Variants in CDKL5 observed in about 807,000 individuals in gnomAD.
CDKL5 encodes cyclin dependent kinase like 5, also known as cyclin-dependent kinase-like 5.
A neutral mutation model predicts 61.7 loss-of-function variants in CDKL5; 8 were observed. The observed-to-expected ratio is 0.13, with a 90% CI of 0.08 to 0.23. The LOEUF (loss-of-function observed/expected upper bound fraction) is 0.23. CDKL5 is among the 10% of genes least tolerant of loss of function. The pLI is 1.00. For synonymous variants in CDKL5, 275 were observed against 272.3 expected, an observed-to-expected ratio of 1.01 and a Z score of -0.10; for missense variants, 440 against 734.5, an observed-to-expected ratio of 0.60 and a Z score of 4.63.
At chrX:18,531,268 A>G (rs900192772) in intron 3 of CDKL5, among the ~76,000 whole-genome samples, 6 of 112,389 alleles carry the variant, frequency 5.3e-5, no homozygotes, top group Non-Finnish European at 1.1e-4. Context: ...CAAAATGGTT[A>G]CTTTCTTCCT....
intron 20 of CDKL5, chrX:18,646,227 C>T (rs1927769488): frequency 1.0e-6 from 1 of 985,016 alleles, no homozygotes; most frequent in African/African-American, 1.9e-5. Flanking sequence ...AATCTCGGCT[C>T]ACTGCAACCT....
At chrX:18,454,583 G>A (rs1208519411) in intron 1 of CDKL5, among the ~76,000 whole-genome samples, 1 of 110,038 alleles carries the variant, frequency 9.1e-6, no homozygotes, top group Non-Finnish European at 1.9e-5. Flanking sequence ...TTGAGGCGGA[G>A]TCTTGCTCTG....
chrX:18,547,317 A>T (rs1353523321), intron 3 of CDKL5, among the ~76,000 whole-genome samples: 3 of 112,231 alleles, frequency 2.7e-5, no homozygotes, highest in Non-Finnish European at 5.6e-5. Flanking sequence ...ATGGAATTAG[A>T]ATGTTATCCT....
intron 1 of CDKL5, among the ~76,000 whole-genome samples, chrX:18,487,876 A>G (rs989081923): frequency 2.4e-4 from 26 of 110,508 alleles, no homozygotes; most frequent in African/African-American, 8.2e-4. Flanking sequence ...AGATCCCCCT[A>G]CTGCACTCCA....
intron 1 of CDKL5, among the ~76,000 whole-genome samples, chrX:18,485,246 A>G (rs945918002): frequency 1.8e-5 from 2 of 111,049 alleles, no homozygotes; most frequent in African/African-American, 6.5e-5. Context: ...TCTCTTAAAT[A>G]TCTCAACTTT....
intron 1 of CDKL5, among the ~76,000 whole-genome samples, chrX:18,470,019 A>G (rs1156819044): frequency 8.9e-6 from 1 of 112,055 alleles, no homozygotes; most frequent in Non-Finnish European, 1.9e-5. Context: ...CACTTGACAG[A>G]AAGCAGAGAA....
At chrX:18,609,426 T>C in intron 13 of CDKL5, 39 bp from the exon 14 acceptor site, 2 of 1,211,219 alleles carry the variant, frequency 1.7e-6, no homozygotes, top group South Asian at 1.8e-5. Context: ...TTGTCATCAA[T>C]GTGTGGCTTA....
At chrX:18,504,461 G>GT (rs1480244851) in intron 1 of CDKL5, among the ~76,000 whole-genome samples, 72 of 112,024 alleles carry the variant, frequency 6.4e-4, no homozygotes, top group African/African-American at 2.3e-3. Flanking sequence ...TAAGAATGAT[G>GT]TTTGTTGTAG....
At position 18,442,696 on chromosome X, in the gene CDKL5, A is replaced by G. The variant is rs774057442; in HGVS notation, c.-163+17001A>G. Among the ~76,000 whole-genome samples the G allele has an allele frequency of 8.1e-5, 9 of 110,768 alleles. No homozygotes were observed. In the East Asian group the frequency reaches 1.7e-3, roughly 21 times the overall value. On this transcript the variant is annotated intron_variant, in intron 1 of 17. Coordinates refer to ENST00000623535, the MANE Select transcript of CDKL5 (RefSeq NM_001323289.2). ...TTTTTGGTAGAGACGGGGTTTCACC[A>G]TGTTAGCCAGGATGATCTCAATCTC...
At chrX:18,526,875 CT>C (rs1171707715) in intron 3 of CDKL5, among the ~76,000 whole-genome samples, 10 of 110,436 alleles carry the variant, frequency 9.1e-5, no homozygotes, top group African/African-American at 3.3e-4. Context: ...CCTCCGCCTC[CT>C]GGGTTCAGGC....
At chrX:18,553,121 C>G (rs1388602325) in intron 3 of CDKL5, among the ~76,000 whole-genome samples, 1 of 110,744 alleles carries the variant, frequency 9.0e-6, no homozygotes, top group East Asian at 2.8e-4. Flanking sequence ...ATGTAGGAGG[C>G]AAAACCCAAC....
At chrX:18,536,799 C>G (rs1452387450) in intron 3 of CDKL5, among the ~76,000 whole-genome samples, 1 of 110,727 alleles carries the variant, frequency 9.0e-6, no homozygotes, top group African/African-American at 3.3e-5. Context: ...GAGCTTCTGG[C>G]TGCACCGATC....
intron 17 of CDKL5, among the ~76,000 whole-genome samples, chrX:18,626,553 A>T (rs1927047782): frequency 9.1e-6 from 1 of 110,272 alleles, no homozygotes; most frequent in Non-Finnish European, 1.9e-5. Context: ...CTAAAGAGAC[A>T]AGCCTCTGAG....
At chrX:18,580,219 C>T (rs1031176457) in intron 6 of CDKL5, among the ~76,000 whole-genome samples, 4 of 111,638 alleles carry the variant, frequency 3.6e-5, no homozygotes, top group Non-Finnish European at 7.5e-5. Context: ...ATTATAGATC[C>T]ACTCCCAATT....
intron 5 of CDKL5, 112 bp from the exon 6 acceptor site, chrX:18,579,736 A>T (rs12013924): frequency 7.9e-4 from 416 of 524,914 alleles, no homozygotes; most frequent in African/African-American, 6.7e-3. Flanking sequence ...CAAAACAATT[A>T]AAAAAAAAAG....
chrX:18,455,544 A>G (rs1456696269), intron 1 of CDKL5, among the ~76,000 whole-genome samples: 2 of 112,763 alleles, frequency 1.8e-5, no homozygotes, highest in Non-Finnish European at 3.7e-5. Context: ...TCCAGAGGTA[A>G]TGAGGAGTTT....
At chrX:18,588,444 C>A (rs984314889) in intron 9 of CDKL5, 2 of 205,872 alleles carry the variant, frequency 9.7e-6, no homozygotes, top group East Asian at 1.2e-4. Context: ...GTTTCTTTAT[C>A]CAAAATATTA....
intron 1 of CDKL5, among the ~76,000 whole-genome samples, chrX:18,484,349 C>T (rs1014662011): frequency 9.1e-5 from 10 of 110,287 alleles, no homozygotes; most frequent in African/African-American, 3.0e-4. Flanking sequence ...CAGTCTCGCC[C>T]TGTCGCCCAG....
At chrX:18,471,038 G>A (rs1452162638) in intron 1 of CDKL5, among the ~76,000 whole-genome samples, 1 of 111,934 alleles carries the variant, frequency 8.9e-6, no homozygotes, top group Non-Finnish European at 1.9e-5. Context: ...TCTTGAACTT[G>A]GTGTACTGTG....
Sources: allele counts gnomAD v4.1 joint callset (sites outside exome capture counted in the v4.1 genomes callset), GRCh38; gene constraint gnomAD v4.1.1; transcripts MANE v1.5; gene names NCBI Gene and HGNC (gene_info 2026-07-23, HGNC 2026-07-21).